The following SGK1 variants were observed in gnomAD, a reference collection of about 807,000 sequenced individuals.
The protein encoded by SGK1 is serum/glucocorticoid regulated kinase 1, also known as serine/threonine-protein kinase Sgk1.
SGK1 carries 26 observed loss-of-function variants against 64.2 expected under a neutral mutation model. That is an observed-to-expected ratio of 0.40 (90% CI 0.30 to 0.56). SGK1 has a LOEUF of 0.56. Among genes scored for constraint, SGK1 ranks in the 20% least tolerant of loss-of-function variants. The pLI is 0.38. For missense variants in SGK1, 519 were observed against 645.6 expected (o/e 0.80, Z 2.12); for synonymous variants, 265 against 239.7 (o/e 1.11, Z -0.98).
chr6:134,256,338 T>C (rs573922548), intron 2 of SGK1, among the ~76,000 whole-genome samples: 3 of 152,282 alleles, frequency 2.0e-5, no homozygotes, highest in Admixed American at 2.0e-4. Flanking sequence ...CTTTGTCTTC[T>C]AGCACAATTA....
chr6:134,225,077 G>A (rs1234878250), intron 2 of SGK1, among the ~76,000 whole-genome samples: 1 of 150,128 alleles, frequency 6.7e-6, no homozygotes, highest in African/African-American at 2.4e-5. Context: ...AGGCCGATGC[G>A]GTGGCTCATG....
At chr6:134,178,831 T>G (rs933037987) in intron 3 of SGK1, among the ~76,000 whole-genome samples, 2 of 152,154 alleles carry the variant, frequency 1.3e-5, no homozygotes, top group African/African-American at 2.4e-5. Flanking sequence ...TCCAAGCGAA[T>G]TGTCTCACAT....
Position 134,232,465 on chromosome 6 carries a change from AAGAAAGAAAGAAAGAAAG to A in SGK1, c.286-25052_286-25035del, listed in dbSNP as rs1371688870. Reference sequence around the variant, plus strand: ...AAAGAAAGAAAGAAAGAAAGAAAGAAAGAAAGAAAGAAAGAAAGAGAAAGAAAAAGAAAAGAAAGAAGA... The same window carrying A: ...AAAGAAAGAAAGAAAGAAAGAAAGAAAGAAAGAAAAAGAAAAGAAAGAAGA... On this transcript the variant is annotated intron_variant, in intron 2 of 13. Transcript: ENST00000367858. Among the ~76,000 whole-genome samples the A allele has an allele frequency of 2.4e-3, 139 of 58,356 alleles. 5 individuals carry two copies. The highest frequency in any genetic ancestry group is 6.7e-3 in the African/African-American group (129 of 19,294). 38.3% of individuals were successfully genotyped at this position (58,356 alleles called of 152,430 possible).
intron 2 of SGK1, among the ~76,000 whole-genome samples, chr6:134,217,214 T>C (rs1245936026): frequency 6.6e-6 from 1 of 152,122 alleles, no homozygotes. Flanking sequence ...ACTTGAAGAA[T>C]GACTGAAAAC....
chr6:134,251,231 CA>C (rs995888826), intron 2 of SGK1, among the ~76,000 whole-genome samples: 8 of 151,474 alleles, frequency 5.3e-5, no homozygotes, highest in African/African-American at 1.5e-4. Flanking sequence ...GAAATAACTG[CA>C]AAAAAAATGA....
chr6:134,213,053 T>C (rs1042550428), intron 2 of SGK1, among the ~76,000 whole-genome samples: 3 of 152,186 alleles, frequency 2.0e-5, no homozygotes, highest in African/African-American at 7.2e-5. Context: ...CACCATTCTT[T>C]ATGGTTCTCA....
rs557350522 is a variant in SGK1 at position 134,179,988 on chromosome 6, C to G, written c.362-5402G>C. On this transcript the variant is annotated intron_variant, in intron 3 of 13. Coordinates refer to ENST00000367858, the MANE Select transcript of SGK1 (RefSeq NM_001143676.3). ...TTTGTTTTTGACATAGAGTTTCACT[C>G]TGTTGTCCAGGCTAGAGTACAGTGG... 2.5e-3 allele frequency among the ~76,000 whole-genome samples: 376 copies of G among 152,246 alleles called. 3 individuals carry two copies. Among genetic ancestry groups the G allele is most frequent in the African/African-American group, 8.3e-3 (344 of 41,536 alleles).
rs140769596 is a variant in SGK1 at position 134,176,285 on chromosome 6, T to G, written c.362-1699A>C. Among the ~76,000 whole-genome samples, 114 of 152,072 alleles carry G rather than the reference T, an allele frequency of 7.5e-4. 2 individuals are homozygous for G. Among genetic ancestry groups the G allele is most frequent in the Non-Finnish European group, 6.2e-4 (42 of 68,008 alleles). ...TTTAACTCAAGGCTGCCCCAGGGCT[T>G]CTTAGTTTTGCCACCTCGCTCGCTC... On this transcript the variant is annotated intron_variant, in intron 3 of 13. Coordinates refer to ENST00000367858, the MANE Select transcript of SGK1 (RefSeq NM_001143676.3).
In SGK1 at chr6:134,298,373, C is replaced by A; in HGVS notation, c.69+19019G>T. The A allele has an allele frequency of 3.3e-6, 5 of 1,498,788 alleles. No individual in the cohort carries two copies. In the Admixed American group the frequency reaches 5.0e-5, roughly 15 times the overall value. 92.8% of individuals were successfully genotyped at this position (1,498,788 alleles called of 1,614,324 possible). ...TTGTTCTGCTGCTCCAGGAACCGTA[C>A]CTTGCCTATGAAGGAGGCAAACTTG... On this transcript the variant is annotated intron_variant, in intron 1 of 13. Transcript: ENST00000367858.
intron 2 of SGK1, among the ~76,000 whole-genome samples, chr6:134,259,500 C>T (rs546444917): frequency 5.9e-5 from 9 of 151,486 alleles, no homozygotes; most frequent in African/African-American, 2.2e-4. Context: ...AAAAATTACC[C>T]GGGTGTGGTG....
intron 1 of SGK1, among the ~76,000 whole-genome samples, chr6:134,281,610 A>T (rs1464080327): frequency 1.3e-5 from 2 of 150,956 alleles, no homozygotes; most frequent in Non-Finnish European, 1.5e-5. Flanking sequence ...CTTGAATCCC[A>T]TGGCTCAAAT....
At chr6:134,229,299 T>C (rs1425827335) in intron 2 of SGK1, among the ~76,000 whole-genome samples, 3 of 152,214 alleles carry the variant, frequency 2.0e-5, no homozygotes, top group Non-Finnish European at 1.5e-5. Flanking sequence ...AGAATAAGCC[T>C]GTATCCTGGA....
At chr6:134,186,567 C>A (rs1582697109) in intron 3 of SGK1, among the ~76,000 whole-genome samples, 1 of 152,214 alleles carries the variant, frequency 6.6e-6, no homozygotes, top group East Asian at 1.9e-4. Context: ...GTGATCATAG[C>A]TGGTATTTAT....
intron 2 of SGK1, chr6:134,260,726 T>C (rs1489879373): frequency 6.6e-6 from 1 of 151,008 alleles, no homozygotes. Context: ...TTCAGCGACA[T>C]TGCGTGATAA....
Position 134,262,038 on chromosome 6 carries a change from G to T in SGK1, c.180C>A (p.Phe60Leu). The T allele has an allele frequency of 6.2e-7, 1 of 1,613,882 alleles. No individual in the cohort carries two copies. Among genetic ancestry groups the T allele is most frequent in the South Asian group, 1.1e-5 (1 of 91,074 alleles). Residue 60 changes from phenylalanine to leucine, a missense_variant, in exon 2 of 14, where the codon TTC (phenylalanine) becomes TTA (leucine). Phe to Leu is a conservative substitution (Grantham distance 22). Coordinates refer to ENST00000367858, the MANE Select transcript of SGK1 (RefSeq NM_001143676.3). ...GGCATGTTTGACACAAGGAAGACTC[G>T]AAGTCTGGCTCCCCTGGAGGGATGT... ...MVHIPPGEPD[F>L]ESSLCQTCLG...
At chr6:134,260,756 C>T (rs1776755645) in intron 2 of SGK1, 1 of 126,678 alleles carries the variant, frequency 7.9e-6, no homozygotes, top group Non-Finnish European at 1.8e-5. Context: ...AAAAGGAACT[C>T]AGATTTAATG....
At chr6:134,207,191 C>T (rs112361585) in intron 3 of SGK1, among the ~76,000 whole-genome samples, 165 bp downstream of exon 3, 1 of 151,286 alleles carries the variant, frequency 6.6e-6, no homozygotes, top group Non-Finnish European at 1.5e-5. Context: ...GCGCCACTGC[C>T]CTCCAACCTG....
chr6:134,243,691 T>A lies in SGK1; in HGVS notation c.285+18242A>T, dbSNP rs554977042. Among the ~76,000 whole-genome samples the A allele has an allele frequency of 3.1e-4, 47 of 152,244 alleles. No homozygotes were observed. In the East Asian group the frequency reaches 5.6e-3, roughly 18 times the overall value. On this transcript the variant is annotated intron_variant, in intron 2 of 13. Coordinates refer to ENST00000367858, the MANE Select transcript of SGK1 (RefSeq NM_001143676.3). The stretch of plus-strand genomic sequence containing the variant: ...GCCATAACGTGCAGTTTTAAAGTAT[T>A]ATCCTTGATGAAATTAAATTGTTAC...
chr6:134,232,422 A>AGAAAGAAAGAAG, intron 2 of SGK1, among the ~76,000 whole-genome samples: 1 of 30,330 alleles, frequency 3.3e-5, no homozygotes, highest in Middle Eastern at 0.014. Flanking sequence ...AGAGAAAGAA[A>AGAAAGAAAGAAG]GAAAGAAAGA....
Sources: allele counts gnomAD v4.1 joint callset (sites outside exome capture counted in the v4.1 genomes callset), GRCh38; gene constraint gnomAD v4.1.1; transcripts MANE v1.5; gene names NCBI Gene and HGNC (gene_info 2026-07-23, HGNC 2026-07-21).